The following SLC37A3 variants were observed in gnomAD, a reference collection of about 807,000 sequenced individuals.
SLC37A3 encodes the protein solute carrier family 37 member 3, also known as sugar phosphate exchanger 3.
Under a neutral mutation model 67.1 loss-of-function variants are expected in SLC37A3, and 51 were observed. The observed-to-expected ratio is 0.76, with a 90% CI of 0.61 to 0.96. SLC37A3 has a LOEUF of 0.96. Among genes scored for constraint, SLC37A3 ranks in the 40% least tolerant of loss-of-function variants. The pLI is 0.00. For missense variants in SLC37A3, 508 were observed against 603.0 expected, an observed-to-expected ratio of 0.84 and a Z score of 1.65; for synonymous variants, 214 against 231.4, an observed-to-expected ratio of 0.92 and a Z score of 0.68.
intron 1 of SLC37A3, among the ~76,000 whole-genome samples, chr7:140,392,127 A>C (rs901927945): frequency 6.6e-6 from 1 of 151,920 alleles, no homozygotes; most frequent in African/African-American, 2.4e-5. Context: ...CTCTTTCCCA[A>C]CTTGGAACTC....
At position 140,351,460 on chromosome 7, in the gene SLC37A3, A is replaced by G; in HGVS notation, c.704-9T>C. 6.2e-7 allele frequency: 1 copy of G among 1,611,974 alleles called. No homozygotes were observed. The highest frequency in any genetic ancestry group is 8.5e-7 in the Non-Finnish European group (1 of 1,178,670). On this transcript the variant is annotated splice_polypyrimidine_tract_variant and intron_variant, in intron 8 of 14. Coordinates refer to ENST00000326232, the MANE Select transcript of SLC37A3 (RefSeq NM_207113.3). The stretch of plus-strand genomic sequence containing the variant: ...CTCAATACCCGAGAGACCTAAAATA[A>G]CAGCGACAGCCACTGTTTATGGAGT...
intron 8 of SLC37A3, 165 bp downstream of exon 8, chr7:140,351,897 G>A: frequency 1.3e-6 from 1 of 747,106 alleles, no homozygotes; most frequent in Non-Finnish European, 2.4e-6. Flanking sequence ...GCCAGGGGCT[G>A]GCTACAATGT....
At chr7:140,341,909 C>T (rs1010642466) in intron 13 of SLC37A3, among the ~76,000 whole-genome samples, 2 of 152,172 alleles carry the variant, frequency 1.3e-5, no homozygotes, top group Non-Finnish European at 2.9e-5. Flanking sequence ...GAGCATTTTT[C>T]GATTCCCGCT....
chr7:140,394,672 G>A (rs1455054782), intron 1 of SLC37A3, among the ~76,000 whole-genome samples: 1 of 149,458 alleles, frequency 6.7e-6, no homozygotes, highest in African/African-American at 2.4e-5. Context: ...GCAGTGGCGT[G>A]ATCTTGGCTT....
chr7:140,390,736 A>T (rs1798696509), intron 1 of SLC37A3, among the ~76,000 whole-genome samples: 1 of 152,014 alleles, frequency 6.6e-6, no homozygotes, highest in African/African-American at 2.4e-5. Context: ...AAAAACCCAC[A>T]CAAGGCTGAA....
At chr7:140,358,133 G>A (rs868738871) in intron 6 of SLC37A3, among the ~76,000 whole-genome samples, 3 of 152,042 alleles carry the variant, frequency 2.0e-5, no homozygotes, top group Non-Finnish European at 4.4e-5. Context: ...TACCCCATTT[G>A]ATCAAGCCCC....
At chr7:140,338,026 GA>G (rs1484159556) in intron 13 of SLC37A3, among the ~76,000 whole-genome samples, 1 of 151,810 alleles carries the variant, frequency 6.6e-6, no homozygotes, top group African/African-American at 2.4e-5. Context: ...GAGCAGCTGG[GA>G]CTACAGGCGC....
chr7:140,368,366 G>C lies in SLC37A3; in HGVS notation c.291+1224C>G, dbSNP rs542009136. Among the ~76,000 whole-genome samples, 34 of 152,212 alleles carry C rather than the reference G, an allele frequency of 2.2e-4. 1 individual carries two copies. The South Asian group carries it at 6.8e-3, about 31-fold the overall frequency. ...GGATCGTCTGAGGTTGGGTGTTCCA[G>C]ATCAGCCTGACCAACATGGAGAAAC... On this transcript the variant is annotated intron_variant, in intron 4 of 14. Transcript: ENST00000326232.
intron 1 of SLC37A3, among the ~76,000 whole-genome samples, chr7:140,390,014 A>G (rs1365955566): frequency 1.3e-5 from 2 of 152,134 alleles, no homozygotes; most frequent in Admixed American, 6.5e-5. Context: ...ACTTGAGGCC[A>G]GGCCTTCAAG....
At chr7:140,335,578 A>G (rs1796102643) in intron 14 of SLC37A3, 74 bp from the exon 15 acceptor site, 7 of 1,524,012 alleles carry the variant, frequency 4.6e-6, no homozygotes, top group Middle Eastern at 2.1e-4. Flanking sequence ...TGAACATAAT[A>G]ATGGATTTGG....
At position 140,345,964 on chromosome 7, in the gene SLC37A3, G is replaced by T; in HGVS notation, c.1031C>A (p.Thr344Asn). 6.2e-7 allele frequency: 1 copy of T among 1,612,844 alleles called. No homozygotes were observed. The highest frequency in any genetic ancestry group is 8.5e-7 in the Non-Finnish European group (1 of 1,179,004). ...TACATCAGAGATGAAGCCTTGCAAAGTTCCACCTTCAAGCAGAGTGTCGAG... is the reference window on the plus strand; with the variant it reads ...TACATCAGAGATGAAGCCTTGCAAATTTCCACCTTCAAGCAGAGTGTCGAG... ...WYDVGGIIGG[T>N]LQGFISDVLQ... The change falls in exon 11 of 15, where the codon ACT (threonine) becomes AAT (asparagine). Residue 344 changes from threonine to asparagine, a missense_variant. Coordinates refer to ENST00000326232, the MANE Select transcript of SLC37A3 (RefSeq NM_207113.3).
chr7:140,389,923 C>A (rs1798658171), intron 1 of SLC37A3, among the ~76,000 whole-genome samples: 1 of 152,092 alleles, frequency 6.6e-6, no homozygotes. Context: ...GACCCCGTCT[C>A]TACAACAAAT....
intron 8 of SLC37A3, 39 bp downstream of exon 8, chr7:140,352,023 A>G (rs886528177): frequency 8.3e-6 from 13 of 1,569,850 alleles, no homozygotes; most frequent in Non-Finnish European, 1.0e-5. Context: ...CGGCCATAAT[A>G]GTAAGACATT....
intron 3 of SLC37A3, among the ~76,000 whole-genome samples, chr7:140,372,230 A>C (rs958689974): frequency 1.3e-5 from 2 of 152,206 alleles, no homozygotes; most frequent in African/African-American, 2.4e-5. Context: ...CCCTGAGGGA[A>C]ACGGAAAGGT....
intron 10 of SLC37A3, among the ~76,000 whole-genome samples, chr7:140,347,130 G>A (rs954731944): frequency 2.0e-5 from 3 of 149,994 alleles, no homozygotes; most frequent in Non-Finnish European, 4.4e-5. Context: ...GGGTGTGGTG[G>A]TGCATGACTG....
At chr7:140,342,901 C>T (rs985999412) in intron 13 of SLC37A3, among the ~76,000 whole-genome samples, 2 of 152,140 alleles carry the variant, frequency 1.3e-5, no homozygotes, top group East Asian at 3.8e-4. Context: ...CTTTGAGATA[C>T]AGTCAGAGAT....
chr7:140,391,945 CA>C (rs1212760179), intron 1 of SLC37A3, among the ~76,000 whole-genome samples: 4 of 152,194 alleles, frequency 2.6e-5, no homozygotes, highest in African/African-American at 9.7e-5. Flanking sequence ...TGCTTCCTTG[CA>C]AACATACTCT....
intron 12 of SLC37A3, 119 bp from the exon 13 acceptor site, chr7:140,343,682 A>G: frequency 9.7e-7 from 1 of 1,026,384 alleles, no homozygotes; most frequent in Non-Finnish European, 1.4e-6. Context: ...TGGAAAAAAA[A>G]GGAAACCCCC....
chr7:140,348,915 A>C, intron 9 of SLC37A3, 148 bp from the exon 10 acceptor site: 1 of 924,968 alleles, frequency 1.1e-6, no homozygotes, highest in Non-Finnish European at 1.6e-6. Context: ...AAACTCCCAC[A>C]TGCCTGACTT....
Sources: allele counts gnomAD v4.1 joint callset (sites outside exome capture counted in the v4.1 genomes callset), GRCh38; gene constraint gnomAD v4.1.1; transcripts MANE v1.5; gene names NCBI Gene and HGNC (gene_info 2026-07-23, HGNC 2026-07-21).